The following DAB1 variants were observed in gnomAD, a reference collection of about 807,000 sequenced individuals.
DAB1 encodes disabled homolog 1.
A neutral mutation model predicts 64.6 loss-of-function variants in DAB1; 15 were observed. The observed-to-expected ratio is 0.23, with a 90% CI of 0.16 to 0.36. DAB1 has a LOEUF of 0.36. DAB1 is among the 10% of genes least tolerant of loss of function. DAB1 has a pLI of 1.00. For synonymous variants in DAB1, 235 were observed against 251.9 expected (o/e 0.93, Z 0.64); for missense variants, 596 against 706.7 (o/e 0.84, Z 1.78).
chr1:58,300,585 A>G (rs1662107999), intron 4 of DAB1, among the ~76,000 whole-genome samples: 1 of 22,780 alleles, frequency 4.4e-5, no homozygotes, highest in African/African-American at 1.2e-4. Flanking sequence ...AGAAAGAAAG[A>G]AAGAAAGAAA....
At chr1:57,540,919 T>C (rs1442807335) in intron 7 of DAB1, among the ~76,000 whole-genome samples, 2 of 152,150 alleles carry the variant, frequency 1.3e-5, no homozygotes, top group Non-Finnish European at 1.5e-5. Context: ...CACAGTAGAC[T>C]GAATATACTT....
At chr1:57,603,910 C>G (rs1558532586) in intron 7 of DAB1, among the ~76,000 whole-genome samples, 1 of 152,240 alleles carries the variant, frequency 6.6e-6, no homozygotes, top group Non-Finnish European at 1.5e-5. Context: ...AGTGTGCACA[C>G]AGTATTAAAC....
chr1:57,304,916 C>T (rs1304728317), intron 1 of DAB1, among the ~76,000 whole-genome samples: 1 of 152,182 alleles, frequency 6.6e-6, no homozygotes, highest in Non-Finnish European at 1.5e-5. Flanking sequence ...TCTCCCCAAA[C>T]TCACAACTCA....
At chr1:58,163,533 T>C (rs1347046866) in intron 4 of DAB1, among the ~76,000 whole-genome samples, 1 of 152,114 alleles carries the variant, frequency 6.6e-6, no homozygotes, top group Non-Finnish European at 1.5e-5. Flanking sequence ...AACATTTATG[T>C]TTGAAAATCT....
At chr1:57,729,153 A>G (rs1372905231) in intron 6 of DAB1, among the ~76,000 whole-genome samples, 1 of 152,266 alleles carries the variant, frequency 6.6e-6, no homozygotes, top group Admixed American at 6.5e-5. Flanking sequence ...GTAAGCACGT[A>G]TCCACAGAAA....
intron 5 of DAB1, among the ~76,000 whole-genome samples, chr1:58,094,629 G>A (rs934731302): frequency 1.3e-5 from 2 of 152,242 alleles, no homozygotes; most frequent in African/African-American, 2.4e-5. Context: ...ATAAGGTACT[G>A]TATATAAAAC....
At chr1:58,301,160 A>G (rs866862842) in intron 4 of DAB1, among the ~76,000 whole-genome samples, 9 of 143,840 alleles carry the variant, frequency 6.3e-5, no homozygotes, top group Middle Eastern at 7.2e-3. Context: ...AAGCCTGCAA[A>G]GGTGGAGTTT....
chr1:57,877,548 T>TA lies in DAB1; in HGVS notation n.87+6450_87+6451insT, dbSNP rs1395573106. Among the ~76,000 whole-genome samples, 28 of 52,030 alleles carry TA rather than the reference T, an allele frequency of 5.4e-4. 4 individuals carry two copies. The highest frequency in any genetic ancestry group is 2.2e-3 in the African/African-American group (20 of 9,040). 34.1% of individuals were successfully genotyped at this position (52,030 alleles called of 152,430 possible). ...TTTTAAAAATCCTAATTGATTTATT[T>TA]TTTTTTTTTTTTTTTTTTTTTTTGA... On this transcript the variant is annotated intron_variant and non_coding_transcript_variant, in intron 1 of 1. Transcript: ENST00000477280.
intron 2 of DAB1, among the ~76,000 whole-genome samples, chr1:57,163,459 G>T (rs935472086): frequency 6.6e-6 from 1 of 151,932 alleles, no homozygotes; most frequent in Non-Finnish European, 1.5e-5. Context: ...GGGGAAGGGG[G>T]TTAGAGGTGG....
rs199814705 is a variant in DAB1, at chr1:57,145,434, A to T, written c.68-5T>A. Reference sequence around the variant, plus strand: ...TGGCTTCACTGCGATCCTGACCTAAAAAGAGAAAAAGCAGATTCAAATATG... The same window carrying T: ...TGGCTTCACTGCGATCCTGACCTAATAAGAGAAAAAGCAGATTCAAATATG... On this transcript the variant is annotated splice_region_variant and splice_polypyrimidine_tract_variant and intron_variant, in intron 2 of 14. Transcript: ENST00000371236. 1.9e-6 allele frequency: 3 copies of T among 1,613,718 alleles called. No homozygotes were observed. Among genetic ancestry groups the T allele is most frequent in the Non-Finnish European group, 2.5e-6 (3 of 1,179,846 alleles).
intron 6 of DAB1, among the ~76,000 whole-genome samples, chr1:57,775,111 C>A (rs766403445): frequency 2.0e-5 from 3 of 151,134 alleles, no homozygotes; most frequent in Non-Finnish European, 3.0e-5. Flanking sequence ...ATGGTGATGT[C>A]TCCTCTTTCC....
chr1:57,103,789 T>C (rs1216352720), intron 4 of DAB1, among the ~76,000 whole-genome samples: 2 of 152,138 alleles, frequency 1.3e-5, no homozygotes, highest in Non-Finnish European at 2.9e-5. Flanking sequence ...TGTGGCTTGG[T>C]TCTGCAGAGT....
intron 5 of DAB1, among the ~76,000 whole-genome samples, chr1:57,941,608 G>A (rs540628447): frequency 3.1e-4 from 47 of 152,260 alleles, no homozygotes; most frequent in Admixed American, 7.2e-4. Context: ...AGGCCAAGGC[G>A]GGCGGATCAC....
intron 5 of DAB1, among the ~76,000 whole-genome samples, chr1:57,911,010 C>A (rs1390028764): frequency 6.6e-6 from 1 of 152,222 alleles, no homozygotes; most frequent in Non-Finnish European, 1.5e-5. Flanking sequence ...TATGTAGGAG[C>A]AGCTATGATT....
At position 58,451,795 on chromosome 1, in the gene DAB1, G is replaced by A. The variant is rs193267757; in HGVS notation, n.257+54265C>T. Among the ~76,000 whole-genome samples the A allele has an allele frequency of 8.5e-4, 130 of 152,124 alleles. 1 individual carries two copies. Among genetic ancestry groups the A allele is most frequent in the Middle Eastern group, 3.4e-3 (1 of 294 alleles). On this transcript the variant is annotated intron_variant and non_coding_transcript_variant, in intron 3 of 20. Transcript: ENST00000485760. Reference sequence around the variant, plus strand: ...ATAAATGGAGCAATAGAAAACAAACGACAAGTTAAGACTGGAAGAAAATAT... The same window carrying A: ...ATAAATGGAGCAATAGAAAACAAACAACAAGTTAAGACTGGAAGAAAATAT...
intron 2 of DAB1, among the ~76,000 whole-genome samples, chr1:57,199,389 G>A (rs1351283964): frequency 6.6e-6 from 1 of 152,208 alleles, no homozygotes; most frequent in African/African-American, 2.4e-5. Context: ...CTGTCCCAGA[G>A]AGAGGTGCAA....
intron 4 of DAB1, among the ~76,000 whole-genome samples, chr1:58,305,691 C>T (rs1355205956): frequency 1.3e-5 from 2 of 152,040 alleles, no homozygotes; most frequent in Admixed American, 6.6e-5. Context: ...TCATAATTAC[C>T]AAAAAAGTTC....
intron 6 of DAB1, among the ~76,000 whole-genome samples, chr1:57,739,949 C>T (rs1351106775): frequency 1.3e-5 from 2 of 148,396 alleles, no homozygotes; most frequent in Admixed American, 6.8e-5. Context: ...AATCCTAGCA[C>T]CTTGGGAGGC....
intron 5 of DAB1, among the ~76,000 whole-genome samples, chr1:58,050,487 T>C (rs1647570092): frequency 6.6e-6 from 1 of 152,102 alleles, no homozygotes; most frequent in South Asian, 2.1e-4. Flanking sequence ...AAGGAATATT[T>C]AGGTAGAATA....
Sources: gnomAD v4.1 joint callset for allele counts (sites outside exome capture counted in the v4.1 genomes callset) on GRCh38, gnomAD v4.1.1 for gene constraint, MANE v1.5 for transcripts, NCBI Gene and HGNC (gene_info 2026-07-23, HGNC 2026-07-21) for gene names.